The following PSMF1 variants were observed in gnomAD, a reference collection of about 807,000 sequenced individuals.
The protein encoded by PSMF1 is proteasome inhibitor PI31 subunit.
Under a neutral mutation model 29.3 loss-of-function variants are expected in PSMF1, and 30 were observed. The ratio of observed to expected loss-of-function variants is 1.02; its 90% CI spans 0.77 to 1.39. PSMF1 has a LOEUF of 1.39. Ranked by LOEUF, PSMF1 falls within the 40% of genes most tolerant of loss-of-function variation. The pLI, the probability that PSMF1 is intolerant of heterozygous loss-of-function variation, is 0.00. For missense variants in PSMF1, 344 were observed against 357.5 expected (o/e 0.96, Z 0.31); for synonymous variants, 134 against 139.7 (o/e 0.96, Z 0.29).
At position 1,171,114 on chromosome 20, in the gene PSMF1, G is replaced by A. The variant is rs2086785881; in HGVS notation, c.*6034G>A. Among the ~76,000 whole-genome samples the A allele has an allele frequency of 6.6e-6, 1 of 152,148 alleles. No homozygotes were observed. The highest frequency in any genetic ancestry group is 2.4e-5 in the African/African-American group (1 of 41,434). On this transcript the variant is annotated 3_prime_UTR_variant, in exon 7 of 7. Coordinates refer to ENST00000335877, the MANE Select transcript of PSMF1 (RefSeq NM_006814.5). ...TGGGAAACCACGTCAGGACTTGTGT[G>A]AGAAAGGAGTGATGCTTCATAATCC...
Position 1,135,193 on chromosome 20 carries a change from G to A in PSMF1, c.438G>A (p.Trp146Ter), listed in dbSNP as rs1470705284. Residue 146 changes from tryptophan to a stop codon, truncating the protein, a stop_gained, in exon 4 of 7, where the codon TGG (tryptophan) becomes TGA (stop). Coordinates refer to ENST00000335877, the MANE Select transcript of PSMF1 (RefSeq NM_006814.5). LOFTEE classifies it high-confidence loss of function. ...SGIITPIHEQ[W>*]EKANVSSPHR... ...TCATCACACCTATCCATGAGCAGTG[G>A]GAAAAGGCTAATGTAAGCAGTCCCC... is the stretch of plus-strand genomic sequence containing the variant. 6.2e-7 allele frequency: 1 copy of A among 1,614,132 alleles called. No homozygotes were observed. Among genetic ancestry groups the A allele is most frequent in the African/African-American group, 1.3e-5 (1 of 75,024 alleles).
chr20:1,163,186 G>A lies in PSMF1; in HGVS notation c.605+3G>A, dbSNP rs756566900. On this transcript the variant is annotated splice_donor_region_variant and intron_variant, in intron 5 of 6. Transcript: ENST00000335877. The surrounding 1 kb of genome is among the most constrained non-coding windows in gnomAD (Gnocchi z 6.1). ...GGAGAAGACTTAGACCCTTTTGGGTGAGTACTGCTGGGGAGGTGGCAGCAA... is the reference window on the plus strand; with the variant it reads ...GGAGAAGACTTAGACCCTTTTGGGTAAGTACTGCTGGGGAGGTGGCAGCAA... The A allele has an allele frequency of 1.9e-6, 3 of 1,614,116 alleles. No individual in the cohort carries two copies. The South Asian group carries it at 3.3e-5, about 18-fold the overall frequency.
chr20:1,170,616 C>T lies in PSMF1; in HGVS notation c.*5536C>T, dbSNP rs1055213155. Among the ~76,000 whole-genome samples, 1 of 152,112 alleles carries T rather than the reference C, an allele frequency of 6.6e-6. No homozygotes were observed. Among genetic ancestry groups the T allele is most frequent in the African/African-American group, 2.4e-5 (1 of 41,420 alleles). ...AGCAGGAGTCTCAGACTCAGTCAAG[C>T]GTGGTTACTCACAGCCCTCCCTTTC... is the stretch of plus-strand genomic sequence containing the variant. On this transcript the variant is annotated 3_prime_UTR_variant, in exon 7 of 7. Coordinates refer to ENST00000335877, the MANE Select transcript of PSMF1 (RefSeq NM_006814.5).
chr20:1,169,906 G>T lies in PSMF1; in HGVS notation c.*4826G>T, dbSNP rs1463363398. Among the ~76,000 whole-genome samples the T allele has an allele frequency of 1.3e-5, 2 of 152,156 alleles. No homozygotes were observed. Among genetic ancestry groups the T allele is most frequent in the East Asian group, 3.9e-4 (2 of 5,184 alleles). On this transcript the variant is annotated 3_prime_UTR_variant, in exon 7 of 7. Transcript: ENST00000335877. The stretch of plus-strand genomic sequence containing the variant: ...GTCTAGTGAGCCAATCTTCTGTGTT[G>T]TCTACGCCATGGACCATGATATAAA...
intron 3 of PSMF1, among the ~76,000 whole-genome samples, chr20:1,133,569 A>ATATATATATATATATATATATTTTTTTT: frequency 6.8e-4 from 36 of 53,254 alleles, no homozygotes; most frequent in South Asian, 1.4e-3. Flanking sequence ...ATATATATAT[A>ATATATATATATATATATATATTTTTTTT]TTTTTTTTTT....
upstream of PSMF1, among the ~76,000 whole-genome samples, chr20:1,118,154 T>C (rs527420857): frequency 6.6e-6 from 1 of 152,354 alleles, no homozygotes; most frequent in Non-Finnish European, 1.5e-5. Context: ...CGGCTGGCTG[T>C]TGTCATCTTG....
intron 4 of PSMF1, among the ~76,000 whole-genome samples, chr20:1,151,423 A>G (rs2086529217): frequency 6.6e-6 from 1 of 152,224 alleles, no homozygotes. Flanking sequence ...ATTCTCATTT[A>G]ATATGTATAA....
At chr20:1,159,352 GGTTT>G (rs1470584535) in intron 4 of PSMF1, among the ~76,000 whole-genome samples, 2 of 151,952 alleles carry the variant, frequency 1.3e-5, no homozygotes, top group Admixed American at 6.5e-5. Context: ...TTAGAGACAT[GGTTT>G]TGCTATGCTG....
Position 1,150,957 on chromosome 20 carries a change from T to G in PSMF1, c.552-12173T>G, listed in dbSNP as rs138422272. Among the ~76,000 whole-genome samples, 283 of 152,352 alleles carry G rather than the reference T, an allele frequency of 1.9e-3. 3 individuals are homozygous for G. Among genetic ancestry groups the G allele is most frequent in the African/African-American group, 6.3e-3 (260 of 41,578 alleles). On this transcript the variant is annotated intron_variant, in intron 4 of 6. Coordinates refer to ENST00000335877, the MANE Select transcript of PSMF1 (RefSeq NM_006814.5). ...AATATTTTTTATGTGTGGTGTGAGA[T>G]TTATATTTTTCCACATTGATATCCA... is the stretch of plus-strand genomic sequence containing the variant.
chr20:1,120,533 C>T (rs1336300366), intron 1 of PSMF1, among the ~76,000 whole-genome samples: 1 of 152,166 alleles, frequency 6.6e-6, no homozygotes. Flanking sequence ...TGCATAGTTC[C>T]CCTAACAGAA....
intron 4 of PSMF1, among the ~76,000 whole-genome samples, chr20:1,141,035 T>C (rs2086373939): frequency 6.6e-6 from 1 of 152,234 alleles, no homozygotes; most frequent in African/African-American, 2.4e-5. Context: ...ATAATGTGGA[T>C]GAACCTTTAA....
At chr20:1,121,613 T>C (rs888775192) in intron 1 of PSMF1, among the ~76,000 whole-genome samples, 1 of 152,216 alleles carries the variant, frequency 6.6e-6, no homozygotes, top group African/African-American at 2.4e-5. Context: ...TCTCCAGCCA[T>C]CTGCTGTTTC....
chr20:1,160,966 A>G (rs2086659782), intron 4 of PSMF1: 1 of 422,496 alleles, frequency 2.4e-6, no homozygotes, highest in African/African-American at 2.1e-5. Flanking sequence ...GACCTTCAAT[A>G]CCCTGGACAT....
chr20:1,164,884 G>T lies in PSMF1; in HGVS notation c.765-145G>T, dbSNP rs953120953. The T allele has an allele frequency of 5.3e-6, 4 of 752,502 alleles. No individual in the cohort carries two copies. Among genetic ancestry groups the T allele is most frequent in the Admixed American group, 4.6e-5 (2 of 43,534 alleles). 46.6% of individuals were successfully genotyped at this position (752,502 alleles called of 1,614,324 possible). A position where few individuals can be genotyped will look rare whatever the true frequency, so the allele number is the denominator to read the frequency against. ...GGGAGTCAGGATTCAAACCCCGGTTGTCTGGCTCTTGAGTGCATGTGTTTA... is the reference window on the plus strand; with the variant it reads ...GGGAGTCAGGATTCAAACCCCGGTTTTCTGGCTCTTGAGTGCATGTGTTTA... On this transcript the variant is annotated intron_variant, in intron 6 of 6. Coordinates refer to ENST00000335877, the MANE Select transcript of PSMF1 (RefSeq NM_006814.5). The surrounding 1 kb of genome is among the most constrained non-coding windows in gnomAD (Gnocchi z 4.1).
rs1370807100 is a variant in PSMF1 at position 1,170,235 on chromosome 20, C to A, written c.*5155C>A. Among the ~76,000 whole-genome samples, 1 of 152,172 alleles carries A rather than the reference C, an allele frequency of 6.6e-6. No individual in the cohort carries two copies. Among genetic ancestry groups the A allele is most frequent in the African/African-American group, 2.4e-5 (1 of 41,430 alleles). ...ATGAGAATCTGCATTTTAACAAGTT[C>A]TCCATGAGATTTGTGTAAACTTAAA... is the stretch of plus-strand genomic sequence containing the variant. On this transcript the variant is annotated 3_prime_UTR_variant, in exon 7 of 7. Coordinates refer to ENST00000335877, the MANE Select transcript of PSMF1 (RefSeq NM_006814.5).
At chr20:1,142,004 G>A (rs1176971694) in intron 4 of PSMF1, among the ~76,000 whole-genome samples, 2 of 152,124 alleles carry the variant, frequency 1.3e-5, no homozygotes, top group African/African-American at 4.8e-5. Context: ...GATTACCTGA[G>A]GTCAGGAGTT....
At chr20:1,142,593 C>T (rs919928333) in intron 4 of PSMF1, among the ~76,000 whole-genome samples, 5 of 152,216 alleles carry the variant, frequency 3.3e-5, no homozygotes, top group Non-Finnish European at 5.9e-5. Context: ...CTACAAAGGA[C>T]GTGAACTCAT....
chr20:1,162,562 A>G (rs965705818), intron 4 of PSMF1, among the ~76,000 whole-genome samples: 21 of 152,164 alleles, frequency 1.4e-4, no homozygotes, highest in African/African-American at 5.1e-4. Flanking sequence ...GAAATCGGCT[A>G]TTAGGGTTGG....
In PSMF1 at chr20:1,170,749, G is replaced by A. The variant is rs990883560; in HGVS notation, c.*5669G>A. On this transcript the variant is annotated 3_prime_UTR_variant, in exon 7 of 7. Coordinates refer to ENST00000335877, the MANE Select transcript of PSMF1 (RefSeq NM_006814.5). ...CTTATTAACAGAGAGTTGGGGCTCG[G>A]TGGGTGCTTGCTGCAATTGTTACTA... Among the ~76,000 whole-genome samples, 18 of 152,038 alleles carry A rather than the reference G, an allele frequency of 1.2e-4. No homozygotes were observed. The highest frequency in any genetic ancestry group is 8.5e-4 in the Admixed American group (13 of 15,264).
Sources: gnomAD v4.1 joint callset for allele counts (sites outside exome capture counted in the v4.1 genomes callset) on GRCh38, gnomAD v4.1.1 for gene constraint, Gnocchi (gnomAD v3.1) non-coding constraint, MANE v1.5 for transcripts, NCBI Gene and HGNC (gene_info 2026-07-23, HGNC 2026-07-21) for gene names.